DUSP10: variants seen among roughly 807,000 people sequenced by gnomAD.
DUSP10 encodes dual specificity phosphatase 10.
In DUSP10, 14 loss-of-function variants were observed where a neutral mutation model predicts 30.8. The observed-to-expected ratio is 0.46, with a 90% CI of 0.30 to 0.71. The LOEUF (loss-of-function observed/expected upper bound fraction) is 0.71. DUSP10 is among the 30% of genes least tolerant of loss of function. The pLI is 0.08. For synonymous variants in DUSP10, 254 were observed against 250.4 expected, an observed-to-expected ratio of 1.01 and a Z score of -0.14; for missense variants, 550 against 619.4, an observed-to-expected ratio of 0.89 and a Z score of 1.19.
Position 221,702,074 on chromosome 1 carries a change from G to C in DUSP10, c.*338C>G, listed in dbSNP as rs565941607. 2 of 215,070 alleles carry C rather than the reference G, an allele frequency of 9.3e-6. No individual in the cohort carries two copies. The highest frequency in any genetic ancestry group is 2.4e-5 in the African/African-American group (1 of 42,428). The allele number at this position is 215,070 out of a possible 1,614,324, so 13.3% of individuals were successfully genotyped here. On this transcript the variant is annotated 3_prime_UTR_variant, in exon 4 of 4. Coordinates refer to ENST00000366899, the MANE Select transcript of DUSP10 (RefSeq NM_007207.6). This position sits in a 1 kb window ranked among gnomAD's most constrained non-coding sequence, Gnocchi z 4.5. Reference sequence around the variant, plus strand: ...TTGGTTTAAAGTGTGTAGTATCTTCGGTCTATGAACCTGCACAGACTATTT... The same window carrying C: ...TTGGTTTAAAGTGTGTAGTATCTTCCGTCTATGAACCTGCACAGACTATTT...
chr1:221,706,945 C>T lies in DUSP10; in HGVS notation c.812-479G>A, dbSNP rs1660788509. On this transcript the variant is annotated intron_variant, in intron 2 of 3. Transcript: ENST00000366899. This position sits in a 1 kb window ranked among gnomAD's most constrained non-coding sequence, Gnocchi z 4.6. Reference sequence around the variant, plus strand: ...CACCTCACCCAGAGGGACAAGTTTGCTCCCAATACAGCAGAGTGGTTACAA... The same window carrying T: ...CACCTCACCCAGAGGGACAAGTTTGTTCCCAATACAGCAGAGTGGTTACAA... Among the ~76,000 whole-genome samples, 1 of 152,204 alleles carries T rather than the reference C, an allele frequency of 6.6e-6. No individual in the cohort carries two copies. The highest frequency in any genetic ancestry group is 6.5e-5 in the Admixed American group (1 of 15,292).
At chr1:221,722,293 C>T (rs971989888) in intron 2 of DUSP10, among the ~76,000 whole-genome samples, 5 of 152,214 alleles carry the variant, frequency 3.3e-5, no homozygotes, top group African/African-American at 1.2e-4. Context: ...AGGTGAGATG[C>T]TCAGGGACTG....
rs1661135807 is a variant in DUSP10 at position 221,717,374 on chromosome 1, G to T, written c.812-10908C>A. 2.0e-5 allele frequency among the ~76,000 whole-genome samples: 3 copies of T among 152,074 alleles called. No homozygotes were observed. In the South Asian group the frequency reaches 6.2e-4, roughly 32 times the overall value. ...TTAGGCAGGTTTTATTCTGAGTTCAGTGGGAAGCTCCTGAGTGTTCCAAAG... is the reference window on the plus strand; with the variant it reads ...TTAGGCAGGTTTTATTCTGAGTTCATTGGGAAGCTCCTGAGTGTTCCAAAG... On this transcript the variant is annotated intron_variant, in intron 2 of 3. Coordinates refer to ENST00000366899, the MANE Select transcript of DUSP10 (RefSeq NM_007207.6).
intron 2 of DUSP10, among the ~76,000 whole-genome samples, chr1:221,718,541 C>T (rs930504547): frequency 1.3e-5 from 2 of 152,144 alleles, no homozygotes; most frequent in Non-Finnish European, 2.9e-5. Flanking sequence ...AACACAAAGC[C>T]ATATTTCTCC....
chr1:221,713,291 C>T lies in DUSP10; in HGVS notation c.812-6825G>A, dbSNP rs532968790. On this transcript the variant is annotated intron_variant, in intron 2 of 3. Transcript: ENST00000366899. ...GCTGTTAGCCTAGTCTACACTCCAT[C>T]ACTGCCGGAGGAAGTGGCATGCAGA... is the stretch of plus-strand genomic sequence containing the variant. Among the ~76,000 whole-genome samples, 3 of 152,316 alleles carry T rather than the reference C, an allele frequency of 2.0e-5. No homozygotes were observed. In the South Asian group the frequency reaches 6.2e-4, roughly 32 times the overall value.
intron 2 of DUSP10, among the ~76,000 whole-genome samples, chr1:221,713,798 C>T (rs1050393646): frequency 2.5e-4 from 38 of 152,246 alleles, no homozygotes; most frequent in Middle Eastern, 3.4e-3. Context: ...AGCCCCAAGT[C>T]ACATGAAGAC....
At chr1:221,715,106 G>C (rs952629293) in intron 2 of DUSP10, among the ~76,000 whole-genome samples, 1 of 151,684 alleles carries the variant, frequency 6.6e-6, no homozygotes, top group Non-Finnish European at 1.5e-5. Flanking sequence ...TTATATTTTC[G>C]AATATACTGT....
chr1:221,710,875 A>G (rs1224483762), intron 2 of DUSP10, among the ~76,000 whole-genome samples: 1 of 152,170 alleles, frequency 6.6e-6, no homozygotes, highest in African/African-American at 2.4e-5. Context: ...TTATGTGCAC[A>G]AGAGCCTGCA....
intron 2 of DUSP10, chr1:221,711,490 A>G (rs1224468354): frequency 6.6e-6 from 1 of 152,214 alleles, no homozygotes; most frequent in East Asian, 1.9e-4. Context: ...GTTTGCTATA[A>G]GCATATTGAT....
chr1:221,703,541 C>T (rs1194952596), intron 3 of DUSP10, among the ~76,000 whole-genome samples: 1 of 152,224 alleles, frequency 6.6e-6, no homozygotes, highest in Non-Finnish European at 1.5e-5. Flanking sequence ...ACCTCTCAAG[C>T]ATTCAATCCC....
In DUSP10 at chr1:221,702,841, T is replaced by A. The variant is rs924281375; in HGVS notation, c.1184-164A>T. Among the ~76,000 whole-genome samples the A allele has an allele frequency of 1.3e-5, 2 of 152,246 alleles. No individual in the cohort carries two copies. ...TCCACTAGTTCATTACGTATACTTA[T>A]GTCACAACTTCCAGAACTGGCTAAA... On this transcript the variant is annotated intron_variant, in intron 3 of 3. Transcript: ENST00000366899. The surrounding 1 kb of genome is among the most constrained non-coding windows in gnomAD (Gnocchi z 4.5).
At chr1:221,726,308 G>C (rs1661422539) in intron 2 of DUSP10, among the ~76,000 whole-genome samples, 1 of 152,146 alleles carries the variant, frequency 6.6e-6, no homozygotes, top group South Asian at 2.1e-4. Context: ...CCTTCAAGAG[G>C]TTTCTCTTGT....
intron 2 of DUSP10, among the ~76,000 whole-genome samples, chr1:221,714,565 T>G (rs1351176422): frequency 6.6e-6 from 1 of 152,018 alleles, no homozygotes; most frequent in Non-Finnish European, 1.5e-5. Flanking sequence ...CTCCCCTGAG[T>G]GCTGTGTAAA....
chr1:221,737,239 C>A (rs1661803830), intron 2 of DUSP10: 1 of 985,292 alleles, frequency 1.0e-6, no homozygotes. Flanking sequence ...CATGAAGACA[C>A]AAAAGACTTG....
intron 2 of DUSP10, among the ~76,000 whole-genome samples, chr1:221,734,427 T>C (rs1375359936): frequency 6.6e-6 from 1 of 152,254 alleles, no homozygotes; most frequent in Non-Finnish European, 1.5e-5. Context: ...GCTTGTTATT[T>C]GTACTCCTTA....
intron 2 of DUSP10, chr1:221,737,592 T>C: frequency 2.2e-6 from 1 of 461,624 alleles, no homozygotes; most frequent in Non-Finnish European, 2.8e-6. Context: ...ATACAATTCT[T>C]TCATGTTCTC....
At position 221,702,139 on chromosome 1, in the gene DUSP10, A is replaced by G. The variant is rs574211902; in HGVS notation, c.*273T>C. 2.5e-6 allele frequency: 1 copy of G among 403,110 alleles called. No individual in the cohort carries two copies. 25.0% of individuals were successfully genotyped at this position (403,110 alleles called of 1,614,324 possible). On this transcript the variant is annotated 3_prime_UTR_variant, in exon 4 of 4. Coordinates refer to ENST00000366899, the MANE Select transcript of DUSP10 (RefSeq NM_007207.6). This position sits in a 1 kb window ranked among gnomAD's most constrained non-coding sequence, Gnocchi z 4.5. Reference sequence around the variant, plus strand: ...CAAATAGCTTAAAAGGAAAAGGGGGAGAAACAAGTTGTATTATATTTTTAT... The same window carrying G: ...CAAATAGCTTAAAAGGAAAAGGGGGGGAAACAAGTTGTATTATATTTTTAT...
chr1:221,706,753 C>T lies in DUSP10; in HGVS notation c.812-287G>A, dbSNP rs1465193267. Reference sequence around the variant, plus strand: ...GCATGTTCCCCTAGCAAGAGTTCCACGCGGCATCAGGCAATCTTCCTCAGC... The same window carrying T: ...GCATGTTCCCCTAGCAAGAGTTCCATGCGGCATCAGGCAATCTTCCTCAGC... On this transcript the variant is annotated intron_variant, in intron 2 of 3. Transcript: ENST00000366899. This position sits in a 1 kb window ranked among gnomAD's most constrained non-coding sequence, Gnocchi z 4.6. Among the ~76,000 whole-genome samples, 3 of 152,246 alleles carry T rather than the reference C, an allele frequency of 2.0e-5. No individual in the cohort carries two copies. The highest frequency in any genetic ancestry group is 2.1e-4 in the South Asian group (1 of 4,826).
chr1:221,739,876 C>T, intron 1 of DUSP10, 89 bp from the exon 2 acceptor site: 11 of 1,344,640 alleles, frequency 8.2e-6, no homozygotes, highest in Non-Finnish European at 1.1e-5. Context: ...ACCTTTGCAT[C>T]CCTCTGAGCA....
Sources: allele counts gnomAD v4.1 joint callset (sites outside exome capture counted in the v4.1 genomes callset), GRCh38; gene constraint gnomAD v4.1.1; non-coding constraint Gnocchi (gnomAD v3.1); transcripts MANE v1.5; gene names NCBI Gene and HGNC (gene_info 2026-07-23, HGNC 2026-07-21).